ZNF474: variants seen among roughly 807,000 people sequenced by gnomAD.
The protein encoded by ZNF474 is 4933409D10Rik.
For synonymous variants in ZNF474, 192 were observed against 162.2 expected (o/e 1.18, Z -1.39); for missense variants, 511 against 433.8 (o/e 1.18, Z -1.58).
At chr5:122,137,589 T>C (rs1387127901) in intron 1 of ZNF474, among the ~76,000 whole-genome samples, 1 of 151,470 alleles carries the variant, frequency 6.6e-6, no homozygotes, top group East Asian at 1.9e-4. Context: ...CAAGAGCATG[T>C]GCAAAGCCTC....
At chr5:122,150,425 C>A (rs1222634912) in intron 1 of ZNF474, among the ~76,000 whole-genome samples, 1 of 152,164 alleles carries the variant, frequency 6.6e-6, no homozygotes, top group Non-Finnish European at 1.5e-5. Context: ...AGGAGCTGGG[C>A]ACAGATATCA....
intron 1 of ZNF474, among the ~76,000 whole-genome samples, chr5:122,131,576 T>G (rs1232673774): frequency 5.3e-5 from 8 of 152,042 alleles, no homozygotes; most frequent in Non-Finnish European, 1.0e-4. Context: ...AAACACTATG[T>G]GATCTCACTT....
intron 1 of ZNF474, among the ~76,000 whole-genome samples, chr5:122,141,781 C>T (rs1420662809): frequency 2.6e-5 from 4 of 152,176 alleles, no homozygotes; most frequent in Admixed American, 1.3e-4. Flanking sequence ...AGGAGAGAAT[C>T]TGTTTCCTTG....
chr5:122,141,709 G>A (rs1755851394), intron 1 of ZNF474, among the ~76,000 whole-genome samples: 1 of 152,140 alleles, frequency 6.6e-6, no homozygotes, highest in Admixed American at 6.6e-5. Flanking sequence ...AAAGTGCTGG[G>A]ATTACAGGCA....
At chr5:122,151,705 A>ATGTCTGTGTGTG (rs58814754) in intron 1 of ZNF474, 74 bp from the exon 2 acceptor site, 3,465 of 206,048 alleles carry the variant, frequency 0.017, 87 homozygotes, top group African/African-American at 0.057. Flanking sequence ...AACAACCTAA[A>ATGTCTGTGTGTG]TGTGTGTGTG....
At chr5:122,141,697 C>T (rs1232952754) in intron 1 of ZNF474, among the ~76,000 whole-genome samples, 1 of 152,128 alleles carries the variant, frequency 6.6e-6, no homozygotes, top group African/African-American at 2.4e-5. Flanking sequence ...CCTTGGCCTC[C>T]CAAAGTGCTG....
intron 1 of ZNF474, among the ~76,000 whole-genome samples, chr5:122,148,590 A>AT (rs1231492400): frequency 1.3e-5 from 2 of 152,114 alleles, no homozygotes; most frequent in Non-Finnish European, 2.9e-5. Flanking sequence ...GGTCTGCCCC[A>AT]TTCCCCCAAC....
chr5:122,151,442 T>A (rs576402272), intron 1 of ZNF474, among the ~76,000 whole-genome samples: 15 of 152,270 alleles, frequency 9.9e-5, no homozygotes, highest in Admixed American at 3.3e-4. Context: ...TTCTCTTCTA[T>A]GGTCTCACCA....
Position 122,152,522 on chromosome 5 carries a change from G to A in ZNF474, c.532G>A (p.Asp178Asn). Residue 178 changes from aspartate to asparagine, a missense_variant, in exon 2 of 2, where the codon GAT becomes AAT. By Grantham distance (23) the Asp-to-Asn change is conservative (BLOSUM62 1). Coordinates refer to ENST00000296600, the MANE Select transcript of ZNF474 (RefSeq NM_207317.3). ...CESCGRTFLP[D>N]HLLVHHRSCK... is the part of the protein sequence containing the mutation. ...ATCCTGTGGCCGCACATTCTTGCCA[G>A]ATCATCTTCTTGTTCATCACAGAAG... is the stretch of plus-strand genomic sequence containing the variant. The A allele has an allele frequency of 6.2e-7, 1 of 1,614,144 alleles. No individual in the cohort carries two copies. Among genetic ancestry groups the A allele is most frequent in the Non-Finnish European group, 8.5e-7 (1 of 1,180,024 alleles).
chr5:122,146,813 G>A (rs1756002465), intron 1 of ZNF474, among the ~76,000 whole-genome samples: 1 of 152,214 alleles, frequency 6.6e-6, no homozygotes, highest in South Asian at 2.1e-4. Context: ...AATGAAATCT[G>A]TTCTCAACTG....
In ZNF474 at chr5:122,152,137, T is replaced by C; in HGVS notation, c.147T>C (p.Asn49=). ...TTTCCCCAGAAACAGAGAGTGTTAA[T>C]CCTGGTGAAAATATAAAGACAGACA... ...SSLSPETESV[N]PGENIKTDTQ... Residue 49 remains asparagine (N), a synonymous_variant, in exon 2 of 2, where the codon AAT becomes AAC. Transcript: ENST00000296600. The C allele has an allele frequency of 1.9e-6, 3 of 1,614,204 alleles. No homozygotes were observed. The highest frequency in any genetic ancestry group is 2.5e-6 in the Non-Finnish European group (3 of 1,180,030).
intron 1 of ZNF474, among the ~76,000 whole-genome samples, chr5:122,137,506 A>ATATT (rs1415212406): frequency 2.0e-5 from 3 of 150,918 alleles, no homozygotes; most frequent in Non-Finnish European, 4.4e-5. Context: ...TGAGTTGACA[A>ATATT]TATTTAAATA....
intron 1 of ZNF474, among the ~76,000 whole-genome samples, chr5:122,139,165 C>CT (rs950074444): frequency 6.6e-6 from 1 of 152,170 alleles, no homozygotes; most frequent in African/African-American, 2.4e-5. Context: ...TAAAACCACA[C>CT]TTTCCCCTTC....
chr5:122,133,948 T>C (rs1464314554), intron 1 of ZNF474, among the ~76,000 whole-genome samples: 2 of 152,220 alleles, frequency 1.3e-5, no homozygotes, highest in East Asian at 1.9e-4. Context: ...CTGTTTCTTC[T>C]CTGGGTCTAC....
At chr5:122,140,930 G>A (rs1412054531) in intron 1 of ZNF474, among the ~76,000 whole-genome samples, 1 of 152,008 alleles carries the variant, frequency 6.6e-6, no homozygotes, top group East Asian at 1.9e-4. Flanking sequence ...GGTATGAGCT[G>A]GATAAACAGC....
chr5:122,135,668 A>T (rs1346042423), intron 1 of ZNF474, among the ~76,000 whole-genome samples: 1 of 152,168 alleles, frequency 6.6e-6, no homozygotes, highest in Non-Finnish European at 1.5e-5. Context: ...TGAAATCAGT[A>T]TGCCAAAGAG....
rs1561445186 is a variant in ZNF474, at chr5:122,152,786, C to T, written c.796C>T (p.Pro266Ser). 6.2e-7 allele frequency: 1 copy of T among 1,614,162 alleles called. No homozygotes were observed. The highest frequency in any genetic ancestry group is 2.2e-5 in the East Asian group (1 of 44,874). ...VELHQPLPQK[P>S]QPLPNAQSSQ... ...GCTCCACCAGCCACTCCCACAGAAG[C>T]CTCAGCCCCTTCCGAATGCACAGTC... The change falls in exon 2 of 2, where the codon CCT becomes TCT. Residue 266 changes from proline (P) to serine (S), a missense_variant. Transcript: ENST00000296600.
At chr5:122,142,543 C>A (rs115051825) in intron 1 of ZNF474, among the ~76,000 whole-genome samples, 2,460 of 152,206 alleles carry the variant, frequency 0.016, 28 homozygotes, top group Non-Finnish European at 0.024. Context: ...GGTCTGGGGA[C>A]ACAAAGAATG....
intron 1 of ZNF474, among the ~76,000 whole-genome samples, chr5:122,130,672 A>G (rs1461181439): frequency 6.6e-6 from 1 of 152,042 alleles, no homozygotes; most frequent in Non-Finnish European, 1.5e-5. Flanking sequence ...TCCTAATTTT[A>G]TTTTTTATGT....
Sources: allele counts gnomAD v4.1 joint callset (sites outside exome capture counted in the v4.1 genomes callset), GRCh38; gene constraint gnomAD v4.1.1; transcripts MANE v1.5; gene names NCBI Gene and HGNC (gene_info 2026-07-23, HGNC 2026-07-21).